LRRCC1: variants seen among roughly 807,000 people sequenced by gnomAD.
LRRCC1 encodes the protein leucine-rich repeat and coiled-coil domain-containing protein 1.
A neutral mutation model predicts 126.0 loss-of-function variants in LRRCC1; 115 were observed. The observed-to-expected ratio is 0.91, with a 90% CI of 0.78 to 1.07. The LOEUF is 1.07. LRRCC1 is among the 50% of genes least tolerant of loss of function. LRRCC1 has a pLI of 0.00. For synonymous variants in LRRCC1, 400 were observed against 393.4 expected (o/e 1.02, Z -0.20); for missense variants, 1,172 against 1,175.7 (o/e 1.00, Z 0.05).
In LRRCC1 at chr8:85,115,604, C is replaced by T. The variant is rs1288059721; in HGVS notation, c.930+20C>T. ...AATGAAGTAACTATTTTTCCTACTT[C>T]TCTATAGACATGTTTATTGAAGAAA... is the stretch of plus-strand genomic sequence containing the variant. On this transcript the variant is annotated intron_variant, in intron 6 of 18. Coordinates refer to ENST00000360375, the MANE Select transcript of LRRCC1 (RefSeq NM_033402.5). The T allele has an allele frequency of 2.0e-6, 3 of 1,474,326 alleles. No homozygotes were observed. The highest frequency in any genetic ancestry group is 2.8e-5 in the African/African-American group (2 of 71,560). The allele number at this position is 1,474,326 out of a possible 1,614,324, so 91.3% of individuals were successfully genotyped here.
intron 6 of LRRCC1, among the ~76,000 whole-genome samples, chr8:85,118,619 A>T (rs1263677474): frequency 6.6e-6 from 1 of 152,048 alleles, no homozygotes; most frequent in Non-Finnish European, 1.5e-5. Context: ...GCATTTCACT[A>T]ATGATTGGTT....
Position 85,115,490 on chromosome 8 carries a change from C to A in LRRCC1, c.836C>A (p.Ser279Tyr), listed in dbSNP as rs756694580. 93 of 1,613,580 alleles carry A rather than the reference C, an allele frequency of 5.8e-5. 1 individual carries two copies. In the Middle Eastern group the frequency reaches 8.2e-4, roughly 14 times the overall value. Residue 279 changes from serine to tyrosine, a missense_variant, in exon 6 of 19, where the codon TCT becomes TAT. Physicochemically the swap from Ser to Tyr is moderately radical, Grantham distance 144 (BLOSUM62 -2). Coordinates refer to ENST00000360375, the MANE Select transcript of LRRCC1 (RefSeq NM_033402.5). ...VLTSFMSVCQ[S>Y]SEPEKNNHEN... Reference sequence around the variant, plus strand: ...ACGTCTTTTATGTCTGTGTGTCAATCTTCTGAGCCAGAGAAAAATAATCAT... The same window carrying A: ...ACGTCTTTTATGTCTGTGTGTCAATATTCTGAGCCAGAGAAAAATAATCAT...
chr8:85,109,358 C>T, intron 1 of LRRCC1: 1 of 502,196 alleles, frequency 2.0e-6, no homozygotes, highest in Non-Finnish European at 3.5e-6. Context: ...TTAGAAATGC[C>T]CACTGTCACT....
chr8:85,131,068 CTGTTT>C (rs1436616513), intron 11 of LRRCC1, among the ~76,000 whole-genome samples: 5 of 152,032 alleles, frequency 3.3e-5, no homozygotes, highest in Non-Finnish European at 7.4e-5. Flanking sequence ...ATTCCGAAAC[CTGTTT>C]TGTTTTGTGT....
At chr8:85,108,579 A>G (rs1563925156) in intron 1 of LRRCC1, 1 of 152,246 alleles carries the variant, frequency 6.6e-6, no homozygotes, top group Non-Finnish European at 1.5e-5. Flanking sequence ...AATGACTGTC[A>G]TTAAGAGCAT....
intron 18 of LRRCC1, among the ~76,000 whole-genome samples, chr8:85,142,844 A>G (rs540028740): frequency 9.2e-4 from 74 of 80,170 alleles, no homozygotes; most frequent in African/African-American, 3.5e-3. Context: ...AAAAAAAAAA[A>G]AAAGAAAAGA....
At chr8:85,145,294 T>G in intron 18 of LRRCC1, 95 bp from the exon 19 acceptor site, 1 of 941,578 alleles carries the variant, frequency 1.1e-6, no homozygotes, top group Non-Finnish European at 1.5e-6. Context: ...TTTCAAAATG[T>G]GTAAGAATAA....
At position 85,139,194 on chromosome 8, in the gene LRRCC1, A is replaced by G. The variant is rs982472403; in HGVS notation, c.2840+719A>G. Among the ~76,000 whole-genome samples, 10 of 152,230 alleles carry G rather than the reference A, an allele frequency of 6.6e-5. 1 individual carries two copies. Among genetic ancestry groups the G allele is most frequent in the East Asian group, 5.8e-4 (3 of 5,198 alleles). Reference sequence around the variant, plus strand: ...GACTGCCAGTTGACTACCAGGGTCAATGAGCTCCTGAGGAGGCTGGAGCAC... The same window carrying G: ...GACTGCCAGTTGACTACCAGGGTCAGTGAGCTCCTGAGGAGGCTGGAGCAC... On this transcript the variant is annotated intron_variant, in intron 17 of 18. Coordinates refer to ENST00000360375, the MANE Select transcript of LRRCC1 (RefSeq NM_033402.5).
intron 1 of LRRCC1, 119 bp downstream of exon 1, chr8:85,107,518 C>T (rs1055046686): frequency 1.5e-5 from 13 of 852,236 alleles, no homozygotes; most frequent in South Asian, 2.1e-5. Context: ...CATAAGTGAA[C>T]GCAGTCTGGC....
intron 3 of LRRCC1, among the ~76,000 whole-genome samples, chr8:85,112,498 A>C (rs1808804623): frequency 6.6e-6 from 1 of 152,202 alleles, no homozygotes; most frequent in Non-Finnish European, 1.5e-5. Flanking sequence ...TGCGAGAAAT[A>C]TTACCAGGGA....
rs751642302 is a variant in LRRCC1 at position 85,131,775 on chromosome 8, A to T, written c.1782A>T (p.Thr594=). 6.2e-7 allele frequency: 1 copy of T among 1,612,366 alleles called. No homozygotes were observed. Among genetic ancestry groups the T allele is most frequent in the South Asian group, 1.1e-5 (1 of 90,722 alleles). ...KEQEHRKELE[T]REFFTDADFQ... is the part of the protein sequence containing the mutation. ...TTCACTCCAGGAAGGAACTTGAAAC[A>T]AGGGAGTTTTTTACTGATGCTGACT... Residue 594 remains threonine, a synonymous_variant, in exon 12 of 19, where the codon ACA becomes ACT. Transcript: ENST00000360375.
At position 85,134,959 on chromosome 8, in the gene LRRCC1, G is replaced by C; in HGVS notation, c.2081G>C (p.Cys694Ser). 6.4e-7 allele frequency: 1 copy of C among 1,574,598 alleles called. No individual in the cohort carries two copies. The highest frequency in any genetic ancestry group is 2.3e-5 in the East Asian group (1 of 43,302). The change falls in exon 13 of 19, where the codon TGT (cysteine) becomes TCT (serine). Residue 694 changes from cysteine to serine, a missense_variant. Physicochemically the swap from Cys to Ser is moderately radical, Grantham distance 112 (BLOSUM62 -1). Coordinates refer to ENST00000360375, the MANE Select transcript of LRRCC1 (RefSeq NM_033402.5). ...TCCTCTTTAATTAAAGATCTGACCT[G>C]TATGGTAAAGGAACAAAAAACAAAA... ...ESSSLIKDLT[C>S]MVKEQKTKLA...
intron 2 of LRRCC1, 48 bp downstream of exon 2, chr8:85,109,848 A>C (rs1026419234): frequency 4.9e-6 from 5 of 1,016,468 alleles, no homozygotes; most frequent in African/African-American, 3.2e-5. Context: ...AAAATGATTT[A>C]GGTCCATTTT....
chr8:85,129,327 A>T lies in LRRCC1; in HGVS notation c.1574A>T (p.Glu525Val), dbSNP rs1323025381. ...CACCTTAAACACTTAAGAACCCTCGAAAAAACATTAGAAAAAATGGAGAGA... is the reference window on the plus strand; with the variant it reads ...CACCTTAAACACTTAAGAACCCTCGTAAAAACATTAGAAAAAATGGAGAGA... ...EDHLKHLRTL[E>V]KTLEKMERQK... is the part of the protein sequence containing the mutation. Residue 525 changes from glutamate to valine, a missense_variant, in exon 10 of 19, where the codon GAA becomes GTA. By Grantham distance (121) the Glu-to-Val change is moderately radical. Coordinates refer to ENST00000360375, the MANE Select transcript of LRRCC1 (RefSeq NM_033402.5). 6.2e-7 allele frequency: 1 copy of T among 1,612,854 alleles called. No individual in the cohort carries two copies.
intron 18 of LRRCC1, among the ~76,000 whole-genome samples, chr8:85,142,858 G>A (rs372282418): frequency 2.0e-5 from 3 of 146,882 alleles, no homozygotes; most frequent in East Asian, 2.0e-4. Context: ...GAAAAGAAAA[G>A]AAAAATTATA....
Position 85,144,478 on chromosome 8 carries a change from T to A in LRRCC1, c.2977-911T>A, listed in dbSNP as rs868793101. 6.5e-3 allele frequency among the ~76,000 whole-genome samples: 826 copies of A among 127,650 alleles called. 3 individuals are homozygous for A. Among genetic ancestry groups the A allele is most frequent in the South Asian group, 0.036 (137 of 3,850 alleles). 83.7% of individuals were successfully genotyped at this position (127,650 alleles called of 152,430 possible). A position where few individuals can be genotyped will look rare whatever the true frequency, so the allele number is the denominator to read the frequency against. ...TATATATATATATATATATATATTT[T>A]TTTTTTTTTTGAGATGGAGTTTCAC... On this transcript the variant is annotated intron_variant, in intron 18 of 18. Transcript: ENST00000360375.
intron 18 of LRRCC1, among the ~76,000 whole-genome samples, chr8:85,143,129 A>G (rs183876944): frequency 4.6e-5 from 7 of 152,218 alleles, no homozygotes; most frequent in Admixed American, 4.6e-4. Context: ...GTTCGAGACT[A>G]GCCTGACCAA....
intron 6 of LRRCC1, 128 bp downstream of exon 6, chr8:85,115,712 T>A: frequency 1.5e-6 from 1 of 653,560 alleles, no homozygotes; most frequent in South Asian, 2.0e-5. Context: ...GTATTTTTGT[T>A]TTCCTCTACA....
Position 85,115,404 on chromosome 8 carries a change from A to G in LRRCC1, c.750A>G (p.Ala250=), listed in dbSNP as rs549511486. The change falls in exon 6 of 19, where the codon GCA becomes GCG. Residue 250 remains alanine, a synonymous_variant. Coordinates refer to ENST00000360375, the MANE Select transcript of LRRCC1 (RefSeq NM_033402.5). ...EIIDRMPVIT[A]PIDELVPLEQ... ...TTGATAGAATGCCAGTGATAACAGCACCTATCGATGAGTTAGTTCCCTTGG... is the reference window on the plus strand; with the variant it reads ...TTGATAGAATGCCAGTGATAACAGCGCCTATCGATGAGTTAGTTCCCTTGG... 98 of 1,613,284 alleles carry G rather than the reference A, an allele frequency of 6.1e-5. 1 individual carries two copies. The Middle Eastern group carries it at 1.6e-3, about 27-fold the overall frequency.
Sources: allele counts gnomAD v4.1 joint callset (sites outside exome capture counted in the v4.1 genomes callset), GRCh38; gene constraint gnomAD v4.1.1; transcripts MANE v1.5; gene names NCBI Gene and HGNC (gene_info 2026-07-23, HGNC 2026-07-21).